KIF11: variants seen among roughly 807,000 people sequenced by gnomAD.
KIF11 encodes the protein kinesin family member 11.
A neutral mutation model predicts 121.0 loss-of-function variants in KIF11; 9 were observed. The observed-to-expected ratio is 0.07, with a 90% CI of 0.04 to 0.13. The LOEUF (loss-of-function observed/expected upper bound fraction) is 0.13, where lower values mean the gene tolerates loss of function less well. Ranked by LOEUF, KIF11 falls within the 10% of genes least tolerant of loss-of-function variation. KIF11 has a pLI of 1.00. For synonymous variants in KIF11, 408 were observed against 421.0 expected, an observed-to-expected ratio of 0.97 and a Z score of 0.38; for missense variants, 846 against 1,217.5, an observed-to-expected ratio of 0.69 and a Z score of 4.54.
chr10:92,606,428 A>T, intron 2 of KIF11, 31 bp downstream of exon 2: 1 of 1,533,278 alleles, frequency 6.5e-7, no homozygotes, highest in African/African-American at 1.4e-5. Context: ...TTTATTATCC[A>T]CTAATGTAAA....
At chr10:92,593,631 A>G (rs1844258040) in intron 1 of KIF11, among the ~76,000 whole-genome samples, 179 bp downstream of exon 1, 1 of 152,172 alleles carries the variant, frequency 6.6e-6, no homozygotes, top group African/African-American at 2.4e-5. Context: ...TTTAGGAGAA[A>G]ATAACATGTT....
chr10:92,630,863 G>A (rs1464027766), intron 12 of KIF11, among the ~76,000 whole-genome samples: 3 of 59,818 alleles, frequency 5.0e-5, no homozygotes, highest in African/African-American at 1.8e-4. Context: ...GCGAAACTCC[G>A]TCTCAAAAAA....
chr10:92,621,704 C>G (rs745853638), intron 10 of KIF11, among the ~76,000 whole-genome samples: 1 of 151,984 alleles, frequency 6.6e-6, no homozygotes, highest in South Asian at 2.1e-4. Flanking sequence ...TGGGCTCAAG[C>G]GATCCTCCTG....
At chr10:92,614,836 T>G (rs1362608337) in intron 8 of KIF11, among the ~76,000 whole-genome samples, 1 of 152,188 alleles carries the variant, frequency 6.6e-6, no homozygotes, top group Non-Finnish European at 1.5e-5. Flanking sequence ...AAGGCCGCAG[T>G]ACAGTAGCAT....
chr10:92,620,023 T>G (rs1284586552), intron 9 of KIF11, among the ~76,000 whole-genome samples: 2 of 151,690 alleles, frequency 1.3e-5, no homozygotes, highest in Admixed American at 1.3e-4. Flanking sequence ...CAAAACTAAT[T>G]CATAAGCAGT....
chr10:92,599,395 C>T (rs1284333867), intron 1 of KIF11, among the ~76,000 whole-genome samples: 3 of 150,950 alleles, frequency 2.0e-5, no homozygotes, highest in Non-Finnish European at 4.4e-5. Flanking sequence ...CATCGTGGCG[C>T]GTGCCTGTAG....
chr10:92,609,266 CAGAGAGAGAGAGAGAG>C (rs3835295), intron 5 of KIF11, 61 bp downstream of exon 5: 356 of 747,244 alleles, frequency 4.8e-4, no homozygotes, highest in Admixed American at 7.8e-4. Flanking sequence ...TTTGAGAAGT[CAGAGAGAGAGAGAGAG>C]AGAGAGAGAG....
Position 92,606,628 on chromosome 10 carries a change from G to A in KIF11, c.220G>A (p.Ala74Thr), listed in dbSNP as rs369196517. 22 of 1,556,628 alleles carry A rather than the reference G, an allele frequency of 1.4e-5. No homozygotes were observed. In the African/African-American group the frequency reaches 1.8e-4, roughly 13 times the overall value. Residue 74 changes from alanine (A) to threonine (T), a missense_variant, in exon 3 of 22, where the codon GCA (alanine) becomes ACA (threonine). Ala to Thr is a moderately conservative substitution (Grantham distance 58). Coordinates refer to ENST00000260731, the MANE Select transcript of KIF11 (RefSeq NM_004523.4). ...KTYTFDMVFG[A>T]STKQIDVYRS... ...TAATTTTTTTCGTTAGGTGTTTGGAGCATCTACTAAACAGATTGATGTTTA... is the reference window on the plus strand; with the variant it reads ...TAATTTTTTTCGTTAGGTGTTTGGAACATCTACTAAACAGATTGATGTTTA...
At chr10:92,653,540 C>T in intron 21 of KIF11, 125 bp from the exon 22 acceptor site, 1 of 810,380 alleles carries the variant, frequency 1.2e-6, no homozygotes, top group Non-Finnish European at 1.9e-6. Context: ...TGTGCTGAAC[C>T]TTTTTTGGTT....
intron 10 of KIF11, among the ~76,000 whole-genome samples, chr10:92,626,589 A>C (rs997248862): frequency 6.6e-6 from 1 of 152,182 alleles, no homozygotes; most frequent in Admixed American, 6.5e-5. Flanking sequence ...CCAACATTTA[A>C]AACAGGATAA....
At chr10:92,651,529 T>G (rs1417966612) in intron 21 of KIF11, among the ~76,000 whole-genome samples, 1 of 120,500 alleles carries the variant, frequency 8.3e-6, no homozygotes. Context: ...TTTTTTTTTT[T>G]TTTTTTTTTT....
chr10:92,606,762 C>A, intron 3 of KIF11, 46 bp downstream of exon 3: 1 of 969,788 alleles, frequency 1.0e-6, no homozygotes, highest in Non-Finnish European at 1.7e-6. Flanking sequence ...AGCTTAAATG[C>A]TTGTGTTTTT....
chr10:92,640,035 GTGTA>G (rs1412654313), intron 17 of KIF11, 135 bp downstream of exon 17: 4 of 530,556 alleles, frequency 7.5e-6, no homozygotes, highest in African/African-American at 1.9e-5. Context: ...TTATGTATGT[GTGTA>G]TGTATATATA....
chr10:92,620,609 T>A (rs896241156), intron 9 of KIF11, among the ~76,000 whole-genome samples: 2 of 152,188 alleles, frequency 1.3e-5, no homozygotes, highest in African/African-American at 4.8e-5. Context: ...GATAAAGACA[T>A]ACCCGAGACT....
intron 17 of KIF11, among the ~76,000 whole-genome samples, chr10:92,641,225 G>GT (rs1844863190): frequency 6.6e-6 from 1 of 152,134 alleles, no homozygotes; most frequent in South Asian, 2.1e-4. Context: ...TCAAGTTTCA[G>GT]TTTTTTGCCT....
intron 18 of KIF11, among the ~76,000 whole-genome samples, chr10:92,647,260 GTT>G (rs911513057): frequency 6.7e-6 from 1 of 149,238 alleles, no homozygotes; most frequent in African/African-American, 2.5e-5. Context: ...TCAGCAACAA[GTT>G]TTTTTTTTCA....
At chr10:92,612,408 G>A (rs764698822) in intron 6 of KIF11, among the ~76,000 whole-genome samples, 1 of 152,136 alleles carries the variant, frequency 6.6e-6, no homozygotes, top group Non-Finnish European at 1.5e-5. Context: ...AAAGTGTTGG[G>A]ATTACAGGCA....
rs1844973433 is a variant in KIF11 at position 92,651,022 on chromosome 10, G to T, written c.3039+505G>T. ...CTCTAATCCAGTGTAATTAAATCCT[G>T]TGACCTCTCCTACCCACTCTTCTTT... On this transcript the variant is annotated intron_variant, in intron 21 of 21. Coordinates refer to ENST00000260731, the MANE Select transcript of KIF11 (RefSeq NM_004523.4). Among the ~76,000 whole-genome samples, 3 of 151,860 alleles carry T rather than the reference G, an allele frequency of 2.0e-5. No homozygotes were observed. The South Asian group carries it at 6.2e-4, about 32-fold the overall frequency.
chr10:92,632,763 T>TTTG, intron 13 of KIF11, 70 bp downstream of exon 13: 1 of 541,456 alleles, frequency 1.8e-6, no homozygotes. Context: ...CTGATAATTT[T>TTTG]GTGAAACATA....
Sources: gnomAD v4.1 joint callset for allele counts (sites outside exome capture counted in the v4.1 genomes callset) on GRCh38, gnomAD v4.1.1 for gene constraint, MANE v1.5 for transcripts, NCBI Gene and HGNC (gene_info 2026-07-23, HGNC 2026-07-21) for gene names.